Variants in SNX29 observed in about 807,000 individuals in gnomAD.
SNX29 encodes the protein sorting nexin 29, also known as sorting nexin-29.
SNX29 carries 78 observed loss-of-function variants against 102.1 expected under a neutral mutation model. The observed-to-expected ratio is 0.76, with a 90% CI of 0.64 to 0.92. The LOEUF is 0.92. Ranked by LOEUF, SNX29 falls within the 40% of genes least tolerant of loss-of-function variation. The pLI, the probability that SNX29 is intolerant of heterozygous loss-of-function variation, is 0.00. For missense variants in SNX29, 1,280 were observed against 1,061.7 expected (o/e 1.21, Z -2.86); for synonymous variants, 580 against 414.5 (o/e 1.40, Z -4.85).
Position 12,573,888 on chromosome 16 carries a change from C to G in SNX29, c.*5259C>G, listed in dbSNP as rs372383994. On this transcript the variant is annotated 3_prime_UTR_variant, in exon 21 of 21. Transcript: ENST00000566228. ...CTCTCTTCATCCCTGGCTTAGCCGT[C>G]AGGTAGAACGCTTACTCACCTGACA... 3 of 206,878 alleles carry G rather than the reference C, an allele frequency of 1.5e-5. No homozygotes were observed. The highest frequency in any genetic ancestry group is 2.3e-5 in the African/African-American group (1 of 43,848). The allele number at this position is 206,878 out of a possible 1,614,324, so 12.8% of individuals were successfully genotyped here.
intron 15 of SNX29, among the ~76,000 whole-genome samples, chr16:12,350,716 C>A (rs1227613761): frequency 1.4e-4 from 22 of 152,218 alleles, no homozygotes; most frequent in Admixed American, 1.4e-3. Flanking sequence ...AAAGCTGAGT[C>A]TGTGAAATGC....
At chr16:12,241,341 G>T (rs1199143240) in intron 14 of SNX29, among the ~76,000 whole-genome samples, 1 of 152,096 alleles carries the variant, frequency 6.6e-6, no homozygotes, top group African/African-American at 2.4e-5. Context: ...GTTAAAAGGG[G>T]GTTTATTGAT....
At chr16:12,094,146 A>G (rs1027496763) in intron 11 of SNX29, among the ~76,000 whole-genome samples, 3 of 152,108 alleles carry the variant, frequency 2.0e-5, no homozygotes, top group Admixed American at 6.6e-5. Context: ...CTATCATAGT[A>G]CCCCTCTGAC....
intron 18 of SNX29, among the ~76,000 whole-genome samples, chr16:12,476,383 AATATATATATATAT>A (rs1567603099): frequency 2.1e-4 from 2 of 9,486 alleles, no homozygotes; most frequent in Non-Finnish European, 4.3e-4. Flanking sequence ...AAAAAAAAAA[AATATATATATATAT>A]ATATATATAT....
chr16:12,039,524 A>G (rs1024190038), intron 4 of SNX29, among the ~76,000 whole-genome samples: 1 of 151,936 alleles, frequency 6.6e-6, no homozygotes, highest in African/African-American at 2.4e-5. Context: ...GAATTGAAAC[A>G]TTAGAGTGAA....
Position 12,477,920 on chromosome 16 carries a change from C to G in SNX29, c.2178+61C>G, listed in dbSNP as rs909697862. The G allele has an allele frequency of 1.7e-5, 26 of 1,511,182 alleles. No individual in the cohort carries two copies. The African/African-American group carries it at 3.7e-4, about 21-fold the overall frequency. 93.6% of individuals were successfully genotyped at this position (1,511,182 alleles called of 1,614,324 possible). On this transcript the variant is annotated intron_variant, in intron 19 of 20. Transcript: ENST00000566228. ...CCTGCGTTAAAATGGATTATTTATT[C>G]TTCTTCTTTAGTCCGTTGCTTAAAA...
rs142866561 is a variant in SNX29 at position 12,258,584 on chromosome 16, C to T, written c.1679-19349C>T. On this transcript the variant is annotated intron_variant, in intron 14 of 20. Transcript: ENST00000566228. ...AGATGTAAGTGCTCAGCAGAACTGTCTCTCATGTTCCACTCCCCACAGGTC... is the reference window on the plus strand; with the variant it reads ...AGATGTAAGTGCTCAGCAGAACTGTTTCTCATGTTCCACTCCCCACAGGTC... 2.5e-3 allele frequency among the ~76,000 whole-genome samples: 374 copies of T among 152,282 alleles called. 2 individuals are homozygous for T. Among genetic ancestry groups the T allele is most frequent in the African/African-American group, 8.6e-3 (359 of 41,554 alleles).
At chr16:12,310,061 T>C (rs987979298) in intron 15 of SNX29, among the ~76,000 whole-genome samples, 9 of 151,942 alleles carry the variant, frequency 5.9e-5, no homozygotes, top group Non-Finnish European at 1.0e-4. Context: ...CACACACGCA[T>C]GCACGCACAT....
chr16:12,057,159 G>A (rs72638276), intron 8 of SNX29, among the ~76,000 whole-genome samples: 7,522 of 152,286 alleles, frequency 0.049, 358 homozygotes, highest in East Asian at 0.25. Flanking sequence ...TATGATACCG[G>A]TAGGGAAGTA....
intron 19 of SNX29, among the ~76,000 whole-genome samples, chr16:12,510,214 C>T (rs77134114): frequency 2.0e-5 from 3 of 152,190 alleles, no homozygotes; most frequent in Non-Finnish European, 2.9e-5. Flanking sequence ...ATGTATTCTA[C>T]TGTGTTTAAT....
intron 20 of SNX29, among the ~76,000 whole-genome samples, chr16:12,536,296 G>A (rs1056723723): frequency 4.6e-5 from 7 of 152,086 alleles, no homozygotes; most frequent in African/African-American, 9.7e-5. Flanking sequence ...TCACTAGCTC[G>A]TTCTGGGAAG....
intron 20 of SNX29, among the ~76,000 whole-genome samples, chr16:12,552,684 A>G (rs1236229173): frequency 1.3e-5 from 2 of 152,226 alleles, no homozygotes; most frequent in African/African-American, 2.4e-5. Context: ...GGCGTTTACA[A>G]GGGTCGGGGG....
chr16:12,403,301 G>C (rs1196256066), intron 17 of SNX29, 147 bp from the exon 18 acceptor site: 2 of 615,400 alleles, frequency 3.2e-6, no homozygotes, highest in East Asian at 6.2e-5. Context: ...CCTTTAGCTT[G>C]CCATCAGGTG....
chr16:12,514,886 AAGAG>A (rs904701320), intron 19 of SNX29, among the ~76,000 whole-genome samples: 13 of 149,866 alleles, frequency 8.7e-5, no homozygotes, highest in Admixed American at 2.0e-4. Flanking sequence ...GAAAGAAAGA[AAGAG>A]AGAGAGAGAG....
chr16:12,314,976 C>T (rs1002103344), intron 15 of SNX29, among the ~76,000 whole-genome samples: 4 of 152,234 alleles, frequency 2.6e-5, no homozygotes, highest in African/African-American at 9.6e-5. Context: ...TATTAGCAAA[C>T]CACAAGTTCC....
chr16:12,557,637 C>G (rs937585136), intron 20 of SNX29: 1 of 152,190 alleles, frequency 6.6e-6, no homozygotes, highest in African/African-American at 2.4e-5. Flanking sequence ...GCTGGGATTG[C>G]AGGTGTGAGC....
At chr16:12,197,402 C>T (rs1009302711) in intron 13 of SNX29, among the ~76,000 whole-genome samples, 1 of 152,006 alleles carries the variant, frequency 6.6e-6, no homozygotes, top group African/African-American at 2.4e-5. Context: ...AAACCCCCAT[C>T]TCTACTAAAA....
Position 11,976,746 on chromosome 16 carries a change from G to T in SNX29, c.-61G>T, listed in dbSNP as rs887713770. On this transcript the variant is annotated 5_prime_UTR_variant, in exon 1 of 21. Coordinates refer to ENST00000566228, the MANE Select transcript of SNX29 (RefSeq NM_032167.5). ...TGTCTCCCGGCCTGTCTGGAGCTCG[G>T]CAGCCGCAGAAGCGGCAGCGGCGGC... 2 of 1,235,906 alleles carry T rather than the reference G, an allele frequency of 1.6e-6. No homozygotes were observed. Among genetic ancestry groups the T allele is most frequent in the African/African-American group, 3.2e-5 (2 of 63,256 alleles). 76.6% of individuals were successfully genotyped at this position (1,235,906 alleles called of 1,614,324 possible).
intron 19 of SNX29, among the ~76,000 whole-genome samples, chr16:12,487,649 G>A (rs563292371): frequency 4.6e-5 from 7 of 152,240 alleles, no homozygotes; most frequent in South Asian, 4.1e-4. Flanking sequence ...GGTTTCAGCC[G>A]TAAAGTTCGT....
Sources: gnomAD v4.1 joint callset for allele counts (sites outside exome capture counted in the v4.1 genomes callset) on GRCh38, gnomAD v4.1.1 for gene constraint, MANE v1.5 for transcripts, NCBI Gene and HGNC (gene_info 2026-07-23, HGNC 2026-07-21) for gene names.